SEPTIN9: variants seen among roughly 807,000 people sequenced by gnomAD.
SEPTIN9 encodes septin-9.
Under a neutral mutation model 56.6 loss-of-function variants are expected in SEPTIN9, and 13 were observed. That is an observed-to-expected ratio of 0.23 (90% confidence interval 0.15 to 0.37). SEPTIN9 has a LOEUF of 0.37. SEPTIN9 is among the 10% of genes least tolerant of loss of function. The pLI, the probability that SEPTIN9 is intolerant of heterozygous loss-of-function variation, is 1.00. For synonymous variants in SEPTIN9, 332 were observed against 334.1 expected (o/e 0.99, Z 0.07); for missense variants, 650 against 823.1 (o/e 0.79, Z 2.57).
In SEPTIN9 at chr17:77,371,630, C is replaced by T. The variant is rs1415709882; in HGVS notation, c.77-30429C>T. On this transcript the variant is annotated intron_variant, in intron 2 of 11. Coordinates refer to ENST00000427177, the MANE Select transcript of SEPTIN9 (RefSeq NM_001113491.2). The surrounding 1 kb of genome is among the most constrained non-coding windows in gnomAD (Gnocchi z 4.1). ...GACAGGTGGCCCAGTAGGGGCTGGA[C>T]TATCCGATAGGCCCAGGTGCTGGAG... Among the ~76,000 whole-genome samples the T allele has an allele frequency of 3.9e-5, 6 of 152,294 alleles. 1 individual carries two copies. The highest frequency in any genetic ancestry group is 1.4e-4 in the African/African-American group (6 of 41,568).
At chr17:77,488,185 T>G in intron 5 of SEPTIN9, 55 bp from the exon 6 acceptor site, 1 of 1,538,590 alleles carries the variant, frequency 6.5e-7, no homozygotes, top group Non-Finnish European at 9.0e-7. Context: ...AGGTGTGGGG[T>G]GTCTGTGAGG....
In SEPTIN9 at chr17:77,449,011, T is replaced by TG. The variant is rs1568077107; in HGVS notation, c.722-33132dup. On this transcript the variant is annotated intron_variant, in intron 3 of 11. Coordinates refer to ENST00000427177, the MANE Select transcript of SEPTIN9 (RefSeq NM_001113491.2). The surrounding 1 kb of genome is among the most constrained non-coding windows in gnomAD (Gnocchi z 4.6). ...GTTGGCCAGGCTGGTTTTGAACTCC[T>TG]GACCTCAGGTGATCTGCCCACCTCA... Among the ~76,000 whole-genome samples the TG allele has an allele frequency of 6.6e-6, 1 of 152,268 alleles. No individual in the cohort carries two copies. The highest frequency in any genetic ancestry group is 1.9e-4 in the East Asian group (1 of 5,176).
intron 10 of SEPTIN9, among the ~76,000 whole-genome samples, chr17:77,493,883 C>G (rs2040146090): frequency 6.6e-6 from 1 of 151,338 alleles, no homozygotes; most frequent in Non-Finnish European, 1.5e-5. Context: ...AGTAATTCTC[C>G]TGCCTCAGCC....
rs1259859770 is a variant in SEPTIN9 at position 77,433,316 on chromosome 17, C to A, written c.721+30613C>A. Among the ~76,000 whole-genome samples, 1 of 152,112 alleles carries A rather than the reference C, an allele frequency of 6.6e-6. No homozygotes were observed. Among genetic ancestry groups the A allele is most frequent in the Non-Finnish European group, 1.5e-5 (1 of 68,006 alleles). ...CATGCAGCCCCTTCACTGGCCATTG[C>A]CTGAGACCCGACCTGGTGGCTCCTG... is the stretch of plus-strand genomic sequence containing the variant. On this transcript the variant is annotated intron_variant, in intron 3 of 11. Coordinates refer to ENST00000427177, the MANE Select transcript of SEPTIN9 (RefSeq NM_001113491.2). The surrounding 1 kb of genome is among the most constrained non-coding windows in gnomAD (Gnocchi z 6.4).
In SEPTIN9 at chr17:77,405,638, C is replaced by T. The variant is rs1213736375; in HGVS notation, c.721+2935C>T. Among the ~76,000 whole-genome samples the T allele has an allele frequency of 2.0e-5, 3 of 151,976 alleles. No homozygotes were observed. The highest frequency in any genetic ancestry group is 2.0e-4 in the Admixed American group (3 of 15,268). ...GAGGAAATGCAGGGACAGACGAGGG[C>T]AGGGCCTTCCCAATGGAGGAGTGCT... On this transcript the variant is annotated intron_variant, in intron 3 of 11. Transcript: ENST00000427177. This position sits in a 1 kb window ranked among gnomAD's most constrained non-coding sequence, Gnocchi z 5.8.
At chr17:77,287,729 C>T (rs113076107) in intron 1 of SEPTIN9, among the ~76,000 whole-genome samples, 374 of 152,340 alleles carry the variant, frequency 2.5e-3, no homozygotes, top group Non-Finnish European at 3.9e-3. Context: ...GGCTCCTGGG[C>T]ACTGCTTGCC....
chr17:77,456,922 C>A lies in SEPTIN9; in HGVS notation c.722-25222C>A, dbSNP rs1428374486. Among the ~76,000 whole-genome samples, 1 of 152,246 alleles carries A rather than the reference C, an allele frequency of 6.6e-6. No homozygotes were observed. Among genetic ancestry groups the A allele is most frequent in the African/African-American group, 2.4e-5 (1 of 41,454 alleles). On this transcript the variant is annotated intron_variant, in intron 3 of 11. Transcript: ENST00000427177. This position sits in a 1 kb window ranked among gnomAD's most constrained non-coding sequence, Gnocchi z 6.0. ...ATGGCCAGTACCAGGTCTCAGGGACCAGCGCTGGGACCCTGGATGACTGAA... is the reference window on the plus strand; with the variant it reads ...ATGGCCAGTACCAGGTCTCAGGGACAAGCGCTGGGACCCTGGATGACTGAA...
chr17:77,361,439 T>C (rs1397203808), intron 2 of SEPTIN9, among the ~76,000 whole-genome samples: 1 of 152,178 alleles, frequency 6.6e-6, no homozygotes, highest in Non-Finnish European at 1.5e-5. Flanking sequence ...GAGCTTGCTG[T>C]CATGCTGTGT....
In SEPTIN9 at chr17:77,475,583, A is replaced by AGCTG. The variant is rs1568101073; in HGVS notation, c.722-6560_722-6559insCTGG. ...GGGCTGCCGCAGGGGTGCTGGCCCCAGGGTCTGGATTCAGGGGAGCCTGCA... is the reference window on the plus strand; with the variant it reads ...GGGCTGCCGCAGGGGTGCTGGCCCCAGCTGGGGTCTGGATTCAGGGGAGCCTGCA... On this transcript the variant is annotated intron_variant, in intron 3 of 11. Transcript: ENST00000427177. The surrounding 1 kb of genome is among the most constrained non-coding windows in gnomAD (Gnocchi z 4.6). 6.2e-7 allele frequency: 1 copy of AGCTG among 1,613,490 alleles called. No individual in the cohort carries two copies. The highest frequency in any genetic ancestry group is 1.1e-5 in the South Asian group (1 of 91,064).
At position 77,488,324 on chromosome 17, in the gene SEPTIN9, G is replaced by A. The variant is rs2039881106; in HGVS notation, c.1124+3G>A. On this transcript the variant is annotated splice_donor_region_variant and intron_variant, in intron 6 of 11. Transcript: ENST00000427177. ...GACCACATCAACAACGAGAACTGGT[G>A]AGGCCCCTCCAGGGGGAGGAGCACT... The A allele has an allele frequency of 1.9e-6, 3 of 1,612,764 alleles. No homozygotes were observed. The highest frequency in any genetic ancestry group is 2.5e-6 in the Non-Finnish European group (3 of 1,179,108).
At chr17:77,342,306 G>T (rs1327081386) in intron 2 of SEPTIN9, among the ~76,000 whole-genome samples, 1 of 152,154 alleles carries the variant, frequency 6.6e-6, no homozygotes, top group Non-Finnish European at 1.5e-5. Context: ...AATGAAATGA[G>T]GTGTGCCTGT....
intron 3 of SEPTIN9, among the ~76,000 whole-genome samples, chr17:77,404,579 G>A (rs1315202833): frequency 2.0e-5 from 3 of 152,192 alleles, no homozygotes; most frequent in Admixed American, 2.0e-4. Context: ...GAGTTCTCCA[G>A]TGGTCAGTGG....
chr17:77,380,807 G>A lies in SEPTIN9; in HGVS notation c.77-21252G>A, dbSNP rs556747752. Among the ~76,000 whole-genome samples the A allele has an allele frequency of 6.2e-3, 943 of 152,326 alleles. 12 individuals are homozygous for A. The highest frequency in any genetic ancestry group is 7.7e-3 in the South Asian group (37 of 4,832). ...CCTGTCTGCTAGGGGCACCCCCAGG[G>A]ACTCAGGTCTTGAGGGACAGCGGAA... On this transcript the variant is annotated intron_variant, in intron 2 of 11. Transcript: ENST00000427177.
chr17:77,365,423 C>T (rs1229526675), intron 2 of SEPTIN9, among the ~76,000 whole-genome samples: 1 of 151,984 alleles, frequency 6.6e-6, no homozygotes, highest in Non-Finnish European at 1.5e-5. Context: ...CTCTCTCTTT[C>T]CCCCTTTCTC....
intron 2 of SEPTIN9, among the ~76,000 whole-genome samples, chr17:77,387,431 C>A (rs900264406): frequency 6.6e-6 from 1 of 152,210 alleles, no homozygotes; most frequent in African/African-American, 2.4e-5. Context: ...TATTCCAACT[C>A]CTGTCACATT....
chr17:77,396,420 C>T (rs145011592), intron 2 of SEPTIN9, among the ~76,000 whole-genome samples: 16 of 152,286 alleles, frequency 1.1e-4, no homozygotes, highest in East Asian at 3.9e-4. Context: ...GACAAGCTCA[C>T]GAACACTCTC....
At chr17:77,481,232 A>G (rs1212361232) in intron 3 of SEPTIN9, among the ~76,000 whole-genome samples, 1 of 152,234 alleles carries the variant, frequency 6.6e-6, no homozygotes, top group African/African-American at 2.4e-5. Context: ...CATCGAAGGG[A>G]CCTACAGACA....
At position 77,345,624 on chromosome 17, in the gene SEPTIN9, G is replaced by C. The variant is rs76856911; in HGVS notation, c.76+38427G>C. The stretch of plus-strand genomic sequence containing the variant: ...AGTTTGCTGAGGTCCCATTGGGCTA[G>C]AGCTGGGGTGCTGGAGAAACTCAGT... On this transcript the variant is annotated intron_variant, in intron 2 of 11. Coordinates refer to ENST00000427177, the MANE Select transcript of SEPTIN9 (RefSeq NM_001113491.2). 4.4e-3 allele frequency among the ~76,000 whole-genome samples: 674 copies of C among 152,344 alleles called. 8 individuals carry two copies. The highest frequency in any genetic ancestry group is 0.015 in the African/African-American group (632 of 41,582).
chr17:77,363,763 G>A (rs955888493), intron 2 of SEPTIN9, among the ~76,000 whole-genome samples: 26 of 152,112 alleles, frequency 1.7e-4, no homozygotes, highest in Non-Finnish European at 7.4e-5. Flanking sequence ...GCTTTTAAGA[G>A]TCTCCCTTAA....
Sources: gnomAD v4.1 joint callset for allele counts (sites outside exome capture counted in the v4.1 genomes callset) on GRCh38, gnomAD v4.1.1 for gene constraint, Gnocchi (gnomAD v3.1) non-coding constraint, MANE v1.5 for transcripts, NCBI Gene and HGNC (gene_info 2026-07-23, HGNC 2026-07-21) for gene names.